UPF2: variants seen among roughly 807,000 people sequenced by gnomAD.
The protein encoded by UPF2 is UPF2 regulator of nonsense mediated mRNA decay.
Under a neutral mutation model 141.4 loss-of-function variants are expected in UPF2, and 17 were observed. The ratio of observed to expected loss-of-function variants is 0.12; its 90% confidence interval spans 0.08 to 0.18. The LOEUF is 0.18. Among genes scored for constraint, UPF2 ranks in the 10% least tolerant of loss-of-function variants. The pLI is 1.00. For missense variants in UPF2, 1,152 were observed against 1,515.9 expected, an observed-to-expected ratio of 0.76 and a Z score of 3.99; for synonymous variants, 540 against 498.0, an observed-to-expected ratio of 1.08 and a Z score of -1.12.
chr10:11,959,434 G>A lies in UPF2; in HGVS notation c.2185-78C>T. ...ACTCCTAACTAAACTTCTATTCTCAGTGATTTGCTATTTCAAAGTAATGGG... is the reference window on the plus strand; with the variant it reads ...ACTCCTAACTAAACTTCTATTCTCAATGATTTGCTATTTCAAAGTAATGGG... On this transcript the variant is annotated intron_variant, in intron 11 of 21. Transcript: ENST00000357604. This position sits in a 1 kb window ranked among gnomAD's most constrained non-coding sequence, Gnocchi z 5.9. 1 of 1,419,828 alleles carries A rather than the reference G, an allele frequency of 7.0e-7. No homozygotes were observed. Among genetic ancestry groups the A allele is most frequent in the Middle Eastern group, 2.0e-4 (1 of 5,004 alleles). 88.0% of individuals were successfully genotyped at this position (1,419,828 alleles called of 1,614,324 possible).
intron 3 of UPF2, among the ~76,000 whole-genome samples, chr10:12,018,058 T>C (rs991653952): frequency 4.6e-5 from 7 of 152,208 alleles, no homozygotes; most frequent in African/African-American, 1.4e-4. Context: ...ATCTAAGTAA[T>C]ACACATTTAC....
intron 3 of UPF2, among the ~76,000 whole-genome samples, chr10:12,017,101 T>C (rs923483713): frequency 6.6e-6 from 1 of 152,008 alleles, no homozygotes; most frequent in African/African-American, 2.4e-5. Flanking sequence ...CATGGCACTT[T>C]AGTCTGAAAA....
chr10:12,010,598 C>A (rs1448566796), intron 4 of UPF2, among the ~76,000 whole-genome samples: 1 of 152,082 alleles, frequency 6.6e-6, no homozygotes, highest in Admixed American at 6.6e-5. Flanking sequence ...TGTGGGACAA[C>A]TGAACAACCT....
At position 12,019,344 on chromosome 10, in the gene UPF2, T is replaced by C. The variant is rs990483449; in HGVS notation, c.1146-5160A>G. ...ACACTGAAATTTGAACTTCAAATCATTTTCATGCTTCCCAAAACATTCTAC... is the reference window on the plus strand; with the variant it reads ...ACACTGAAATTTGAACTTCAAATCACTTTCATGCTTCCCAAAACATTCTAC... On this transcript the variant is annotated intron_variant, in intron 3 of 21. Coordinates refer to ENST00000357604, the MANE Select transcript of UPF2 (RefSeq NM_015542.4). The surrounding 1 kb of genome is among the most constrained non-coding windows in gnomAD (Gnocchi z 4.5). Among the ~76,000 whole-genome samples the C allele has an allele frequency of 4.6e-5, 7 of 152,240 alleles. No individual in the cohort carries two copies. Among genetic ancestry groups the C allele is most frequent in the Admixed American group, 4.6e-4 (7 of 15,286 alleles).
At chr10:12,026,216 T>C (rs1056879595) in intron 3 of UPF2, among the ~76,000 whole-genome samples, 44 of 152,278 alleles carry the variant, frequency 2.9e-4, no homozygotes, top group Admixed American at 6.5e-4. Flanking sequence ...GCTTTAAAAA[T>C]TGTATTTCAC....
chr10:11,985,645 C>CA (rs1347731445), intron 8 of UPF2, among the ~76,000 whole-genome samples: 47 of 146,208 alleles, frequency 3.2e-4, no homozygotes, highest in African/African-American at 9.0e-4. Flanking sequence ...AACAAACAAA[C>CA]AAAAAAAAAG....
intron 21 of UPF2, among the ~76,000 whole-genome samples, chr10:11,925,021 G>A (rs986704603): frequency 1.3e-5 from 2 of 152,112 alleles, no homozygotes; most frequent in Non-Finnish European, 2.9e-5. Flanking sequence ...GTTTCACCAT[G>A]TTGGTCAGGC....
chr10:12,028,869 T>C lies in UPF2; in HGVS notation c.1021A>G (p.Ser341Gly). The change falls in exon 3 of 22, where the codon AGT (serine) becomes GGT (glycine). Residue 341 changes from serine to glycine, a missense_variant. Coordinates refer to ENST00000357604, the MANE Select transcript of UPF2 (RefSeq NM_015542.4). Reference protein sequence around the residue: ...AEKFNLSFPPSEIISPEKQQP... With the variant: ...AEKFNLSFPPGEIISPEKQQP... ...TGTTTCTCTGGACTAATTATCTCAC[T>C]AGGAGGAAAACTCAAATTAAACTTC... is the stretch of plus-strand genomic sequence containing the variant. The C allele has an allele frequency of 6.2e-7, 1 of 1,614,180 alleles. No homozygotes were observed. The highest frequency in any genetic ancestry group is 2.2e-5 in the East Asian group (1 of 44,876).
At chr10:11,944,372 T>TA (rs1832974869) in intron 16 of UPF2, among the ~76,000 whole-genome samples, 1 of 152,054 alleles carries the variant, frequency 6.6e-6, no homozygotes, top group Non-Finnish European at 1.5e-5. Context: ...CAGGCACCTG[T>TA]AATCCCAGCT....
At chr10:12,003,014 T>C (rs924645463) in intron 5 of UPF2, among the ~76,000 whole-genome samples, 1 of 152,218 alleles carries the variant, frequency 6.6e-6, no homozygotes, top group African/African-American at 2.4e-5. Flanking sequence ...TCATATCTTA[T>C]TTGGGAGGAT....
chr10:11,996,360 T>A (rs1349357444), intron 8 of UPF2, among the ~76,000 whole-genome samples: 1 of 152,102 alleles, frequency 6.6e-6, no homozygotes, highest in African/African-American at 2.4e-5. Context: ...AACCTTTTTT[T>A]TTTTTGAGAT....
intron 21 of UPF2, among the ~76,000 whole-genome samples, chr10:11,926,243 GACAACGCTT>G (rs1832711511): frequency 6.6e-6 from 1 of 152,244 alleles, no homozygotes; most frequent in Non-Finnish European, 1.5e-5. Flanking sequence ...CAAGAGGGCA[GACAACGCTT>G]CCTCTCCCTG....
chr10:11,995,078 G>A (rs778296237), intron 8 of UPF2, among the ~76,000 whole-genome samples: 3 of 149,910 alleles, frequency 2.0e-5, no homozygotes, highest in Non-Finnish European at 3.0e-5. Flanking sequence ...CTAATTCTTC[G>A]TAAGAAGACA....
chr10:12,031,884 C>CAA (rs1159829574), intron 2 of UPF2, among the ~76,000 whole-genome samples: 1 of 152,148 alleles, frequency 6.6e-6, no homozygotes, highest in Non-Finnish European at 1.5e-5. Context: ...TTAAAAGCTA[C>CAA]AATATATTAA....
intron 18 of UPF2, among the ~76,000 whole-genome samples, chr10:11,938,867 T>TTTTTTTTTTTTTTTTTTTTTTTTTG (rs1832896219): frequency 2.9e-5 from 3 of 103,358 alleles, no homozygotes; most frequent in Non-Finnish European, 5.9e-5. Context: ...TTTTTTTTTT[T>TTTTTTTTTTTTTTTTTTTTTTTTTG]TTTTTTTTTT....
rs144308396 is a variant in UPF2, at chr10:12,016,690, TA to T, written c.1146-2507del. The stretch of plus-strand genomic sequence containing the variant: ...GCCTGGGCGACAGAGCAAGACTGTC[TA>T]AAAAAAAAAAGAAAAAGAAGTAAGT... On this transcript the variant is annotated intron_variant, in intron 3 of 21. Coordinates refer to ENST00000357604, the MANE Select transcript of UPF2 (RefSeq NM_015542.4). This position sits in a 1 kb window ranked among gnomAD's most constrained non-coding sequence, Gnocchi z 4.1. 4.4e-3 allele frequency among the ~76,000 whole-genome samples: 593 copies of T among 135,120 alleles called. 5 individuals are homozygous for T. The highest frequency in any genetic ancestry group is 6.2e-3 in the Non-Finnish European group (392 of 62,864). The allele number at this position is 135,120 out of a possible 152,430, so 88.6% of individuals were successfully genotyped here. A position where few individuals can be genotyped will look rare whatever the true frequency, so the allele number is the denominator to read the frequency against.
Position 12,016,751 on chromosome 10 carries a change from G to A in UPF2, c.1146-2567C>T, listed in dbSNP as rs1477780555. On this transcript the variant is annotated intron_variant, in intron 3 of 21. Coordinates refer to ENST00000357604, the MANE Select transcript of UPF2 (RefSeq NM_015542.4). This position sits in a 1 kb window ranked among gnomAD's most constrained non-coding sequence, Gnocchi z 4.1. ...ATATCTGCAATGTAGGGCCGGGCAC[G>A]GTGGTTCACGCCTATAATCCCAGCA... Among the ~76,000 whole-genome samples the A allele has an allele frequency of 5.3e-5, 8 of 152,168 alleles. No homozygotes were observed. The highest frequency in any genetic ancestry group is 9.6e-5 in the African/African-American group (4 of 41,538).
rs1298273120 is a variant in UPF2, at chr10:11,998,937, A to G, written c.1758+969T>C. Among the ~76,000 whole-genome samples the G allele has an allele frequency of 6.6e-6, 1 of 151,666 alleles. No homozygotes were observed. The highest frequency in any genetic ancestry group is 2.4e-5 in the African/African-American group (1 of 41,338). On this transcript the variant is annotated intron_variant, in intron 7 of 21. Transcript: ENST00000357604. This position sits in a 1 kb window ranked among gnomAD's most constrained non-coding sequence, Gnocchi z 4.5. ...CTACTCAGGAGGCTGAGGCAGGAGA[A>G]TCACTTGAATCTGGGAGACAAAGGT...
chr10:12,026,557 T>C (rs905835214), intron 3 of UPF2: 9 of 435,656 alleles, frequency 2.1e-5, no homozygotes, highest in African/African-American at 1.4e-4. Flanking sequence ...AAACCATCTG[T>C]GGTAAAGGGC....
Sources: allele counts gnomAD v4.1 joint callset (sites outside exome capture counted in the v4.1 genomes callset), GRCh38; gene constraint gnomAD v4.1.1; non-coding constraint Gnocchi (gnomAD v3.1); transcripts MANE v1.5; gene names NCBI Gene and HGNC (gene_info 2026-07-23, HGNC 2026-07-21).